Variants in SPEN observed in about 807,000 individuals in gnomAD.
The protein encoded by SPEN is msx2-interacting protein.
Under a neutral mutation model 269.9 loss-of-function variants are expected in SPEN, and 18 were observed. The observed-to-expected ratio is 0.07, with a 90% CI of 0.05 to 0.10. The LOEUF (loss-of-function observed/expected upper bound fraction) is 0.10. Ranked by LOEUF, SPEN falls within the 10% of genes least tolerant of loss-of-function variation. The pLI, the probability that SPEN is intolerant of heterozygous loss-of-function variation, is 1.00. For missense variants in SPEN, 3,822 were observed against 4,631.2 expected, an observed-to-expected ratio of 0.83 and a Z score of 5.07; for synonymous variants, 1,726 against 1,765.7, an observed-to-expected ratio of 0.98 and a Z score of 0.56.
chr1:15,876,517 C>T lies in SPEN; in HGVS notation c.720C>T (p.Ser240=), dbSNP rs1301431706. ...GGCCAGAGCGGAATTACCAGCACAG[C>T]AGGAGTCGGTCACCACATTCATCCC... is the stretch of plus-strand genomic sequence containing the variant. ...GRRPERNYQH[S]RSRSPHSSQS... is the part of the protein sequence containing the mutation. The change falls in exon 3 of 15, where the codon AGC becomes AGT. Residue 240 remains serine, a synonymous_variant. Coordinates refer to ENST00000375759, the MANE Select transcript of SPEN (RefSeq NM_015001.3). The T allele has an allele frequency of 3.1e-6, 5 of 1,613,978 alleles. No individual in the cohort carries two copies. The highest frequency in any genetic ancestry group is 4.2e-6 in the Non-Finnish European group (5 of 1,180,032).
rs899535440 is a variant in SPEN, at chr1:15,847,814, G to A, written c.-254G>A. The A allele has an allele frequency of 4.3e-6, 1 of 232,586 alleles. No homozygotes were observed. The highest frequency in any genetic ancestry group is 7.4e-5 in the East Asian group (1 of 13,560). 14.4% of individuals were successfully genotyped at this position (232,586 alleles called of 1,614,324 possible). On this transcript the variant is annotated 5_prime_UTR_variant, in exon 1 of 15. The change abolishes an upstream ATG in the 5' untranslated region. Transcript: ENST00000375759. ...CCCGCCCGCCCCTGCCCGGGCGCAT[G>A]CGCTGCCGGAGCGCGAGGGTCGGCT...
At chr1:15,924,824 T>C (rs1015238817) in intron 10 of SPEN, among the ~76,000 whole-genome samples, 1 of 152,196 alleles carries the variant, frequency 6.6e-6, no homozygotes, top group Non-Finnish European at 1.5e-5. Flanking sequence ...TTTTTTCTCA[T>C]GGTTATTTAT....
intron 3 of SPEN, among the ~76,000 whole-genome samples, chr1:15,884,836 C>T (rs549845002): frequency 5.3e-5 from 8 of 151,804 alleles, no homozygotes; most frequent in Admixed American, 1.3e-4. Flanking sequence ...CAGGTTCAAG[C>T]GATTCTCCTG....
At chr1:15,856,311 A>G (rs1019191963) in intron 1 of SPEN, among the ~76,000 whole-genome samples, 18 of 151,886 alleles carry the variant, frequency 1.2e-4, no homozygotes, top group South Asian at 6.2e-4. Flanking sequence ...TCTTTAATGA[A>G]GACCTCATCG....
intron 1 of SPEN, among the ~76,000 whole-genome samples, chr1:15,872,381 A>T (rs1160280436): frequency 1.3e-5 from 2 of 152,092 alleles, no homozygotes; most frequent in African/African-American, 4.8e-5. Context: ...TCACGAGGTC[A>T]GGAGATCGAG....
intron 3 of SPEN, among the ~76,000 whole-genome samples, chr1:15,899,895 G>T (rs993026935): frequency 1.3e-5 from 2 of 151,910 alleles, no homozygotes; most frequent in African/African-American, 4.8e-5. Flanking sequence ...ACCCAGGCTG[G>T]AGTGTAATGG....
chr1:15,851,800 T>C (rs1266415384), intron 1 of SPEN, among the ~76,000 whole-genome samples: 1 of 152,024 alleles, frequency 6.6e-6, no homozygotes, highest in Admixed American at 6.6e-5. Flanking sequence ...TTGGTGAACA[T>C]GGTAAAACCC....
In SPEN at chr1:15,929,310, T is replaced by G. The variant is rs1267251712; in HGVS notation, c.3070T>G (p.Ser1024Ala). Residue 1024 changes from serine (S) to alanine (A), a missense_variant, in exon 11 of 15, where the codon TCT (serine) becomes GCT (alanine). Physicochemically the swap from Ser to Ala is moderately conservative, Grantham distance 99 (BLOSUM62 1). Coordinates refer to ENST00000375759, the MANE Select transcript of SPEN (RefSeq NM_015001.3). The surrounding 1 kb of genome is among the most constrained non-coding windows in gnomAD (Gnocchi z 5.8). ...TTCAAAAAAGCAGCCTGACGTGTCC[T>G]CTAGAGAGGTCATTCTGCTGAGGGA... ...VLSKKQPDVS[S>A]REVILLREGE... 6.2e-6 allele frequency: 10 copies of G among 1,614,116 alleles called. No homozygotes were observed. The highest frequency in any genetic ancestry group is 8.5e-6 in the Non-Finnish European group (10 of 1,180,012).
chr1:15,848,580 C>T lies in SPEN; in HGVS notation c.83+430C>T, dbSNP rs879885920. On this transcript the variant is annotated intron_variant, in intron 1 of 14. Coordinates refer to ENST00000375759, the MANE Select transcript of SPEN (RefSeq NM_015001.3). This position sits in a 1 kb window ranked among gnomAD's most constrained non-coding sequence, Gnocchi z 5.1. ...CCGGGTCCGGCGCCGCCACTCCAAGCTGCTCTGCGGGCGCTCGGCAATGTC... is the reference window on the plus strand; with the variant it reads ...CCGGGTCCGGCGCCGCCACTCCAAGTTGCTCTGCGGGCGCTCGGCAATGTC... Among the ~76,000 whole-genome samples the T allele has an allele frequency of 2.6e-5, 4 of 151,910 alleles. No individual in the cohort carries two copies. The highest frequency in any genetic ancestry group is 5.9e-5 in the Non-Finnish European group (4 of 67,914).
Position 15,931,151 on chromosome 1 carries a change from T to C in SPEN, c.4911T>C (p.Val1637=), listed in dbSNP as rs1490614015. The part of the protein sequence containing the change: ...KDSELKTPPS[V]GPPSVTVVTL... ...CAGAACTGAAAACTCCACCTTCCGT[T>C]GGGCCTCCAAGTGTCACAGTCGTAA... The change falls in exon 11 of 15, where the codon GTT becomes GTC. Residue 1637 remains valine (V), a synonymous_variant. Coordinates refer to ENST00000375759, the MANE Select transcript of SPEN (RefSeq NM_015001.3). The surrounding 1 kb of genome is among the most constrained non-coding windows in gnomAD (Gnocchi z 4.8). 1 of 1,614,098 alleles carries C rather than the reference T, an allele frequency of 6.2e-7. No homozygotes were observed. The highest frequency in any genetic ancestry group is 8.5e-7 in the Non-Finnish European group (1 of 1,180,052).
chr1:15,860,981 T>C (rs2070442569), intron 1 of SPEN, among the ~76,000 whole-genome samples: 1 of 152,030 alleles, frequency 6.6e-6, no homozygotes, highest in Non-Finnish European at 1.5e-5. Context: ...CTTGGCTCAC[T>C]GCAATCTCTG....
chr1:15,891,962 T>TTAGGTTAAA (rs2070793701), intron 3 of SPEN, among the ~76,000 whole-genome samples: 1 of 151,316 alleles, frequency 6.6e-6, no homozygotes, highest in African/African-American at 2.4e-5. Flanking sequence ...TTTGAATATA[T>TTAGGTTAAA]TAGGTTAAAT....
intron 10 of SPEN, among the ~76,000 whole-genome samples, chr1:15,926,145 C>T (rs1424618081): frequency 6.6e-6 from 1 of 152,076 alleles, no homozygotes; most frequent in Non-Finnish European, 1.5e-5. Flanking sequence ...CCTGTAATCC[C>T]AGAACTTTGA....
Position 15,935,063 on chromosome 1 carries a change from G to T in SPEN, c.8823G>T (p.Val2941=). The change falls in exon 11 of 15, where the codon GTG becomes GTT. Residue 2941 remains valine (V), a synonymous_variant. Transcript: ENST00000375759. The surrounding 1 kb of genome is among the most constrained non-coding windows in gnomAD (Gnocchi z 7.7). ...CCCAGGGGATCAACACACCCCCTGT[G>T]CTGGTTCACAACCAGCTGGTCCTCA... is the stretch of plus-strand genomic sequence containing the variant. The part of the protein sequence containing the change: ...VLTQGINTPP[V]LVHNQLVLTP... 1 of 1,614,046 alleles carries T rather than the reference G, an allele frequency of 6.2e-7. No individual in the cohort carries two copies. Among genetic ancestry groups the T allele is most frequent in the African/African-American group, 1.3e-5 (1 of 75,004 alleles).
chr1:15,938,926 G>GGTC lies in SPEN; in HGVS notation c.10863+50_10863+51insGTC, dbSNP rs761788744. 4.4e-6 allele frequency: 7 copies of GGTC among 1,590,360 alleles called. No homozygotes were observed. The South Asian group carries it at 8.0e-5, about 18-fold the overall frequency. On this transcript the variant is annotated intron_variant, in intron 14 of 14. Transcript: ENST00000375759. Reference sequence around the variant, plus strand: ...CACATGTACACCCACAGGTGGGGCTGATCAGGGTAGGTGGGCCTACTCATC... The same window carrying GGTC: ...CACATGTACACCCACAGGTGGGGCTGGTCATCAGGGTAGGTGGGCCTACTCATC...
At chr1:15,896,727 T>C (rs1426740293) in intron 3 of SPEN, among the ~76,000 whole-genome samples, 2 of 152,216 alleles carry the variant, frequency 1.3e-5, no homozygotes, top group African/African-American at 4.8e-5. Context: ...ATTAGTTGTT[T>C]ATATCAGCAA....
At chr1:15,918,328 C>T (rs2071085692) in intron 6 of SPEN, among the ~76,000 whole-genome samples, 2 of 152,272 alleles carry the variant, frequency 1.3e-5, no homozygotes, top group African/African-American at 4.8e-5. Flanking sequence ...AAGCGATTCT[C>T]TTGCCTCAGC....
intron 10 of SPEN, 43 bp downstream of exon 10, chr1:15,922,392 T>C (rs780279392): frequency 7.4e-7 from 1 of 1,355,012 alleles, no homozygotes; most frequent in Middle Eastern, 1.8e-4. Flanking sequence ...GTTTTAATAG[T>C]TTTAATACAG....
Position 15,930,416 on chromosome 1 carries a change from A to C in SPEN, c.4176A>C (p.Ser1392=), listed in dbSNP as rs755455775. 2.7e-4 allele frequency: 428 copies of C among 1,613,946 alleles called. No individual in the cohort carries two copies. Among genetic ancestry groups the C allele is most frequent in the Non-Finnish European group, 3.4e-4 (406 of 1,180,000 alleles). Residue 1392 remains serine, a synonymous_variant, in exon 11 of 15, where the codon TCA becomes TCC. Transcript: ENST00000375759. This position sits in a 1 kb window ranked among gnomAD's most constrained non-coding sequence, Gnocchi z 5.3. ...SDEDGEHKSH[S]PRASALYESS... ...AAGATGGTGAACACAAATCCCACTC[A>C]CCCAGAGCCTCTGCATTATATGAAA...
Sources: gnomAD v4.1 joint callset for allele counts (sites outside exome capture counted in the v4.1 genomes callset) on GRCh38, gnomAD v4.1.1 for gene constraint, Gnocchi (gnomAD v3.1) non-coding constraint, MANE v1.5 for transcripts, NCBI Gene and HGNC (gene_info 2026-07-23, HGNC 2026-07-21) for gene names.